The following ZMIZ1 variants were observed in gnomAD, a reference collection of about 807,000 sequenced individuals.
ZMIZ1 encodes zinc finger MIZ domain-containing protein 1.
A neutral mutation model predicts 113.9 loss-of-function variants in ZMIZ1; 17 were observed. The ratio of observed to expected loss-of-function variants is 0.15; its 90% CI spans 0.10 to 0.22. ZMIZ1 has a LOEUF of 0.22. ZMIZ1 is among the 10% of genes least tolerant of loss of function. The probability of loss-of-function intolerance (pLI) is 1.00; values close to 1 mark genes in which losing one functional copy is unlikely to be tolerated. For synonymous variants in ZMIZ1, 607 were observed against 603.1 expected (o/e 1.01, Z -0.09); for missense variants, 1,059 against 1,477.8 (o/e 0.72, Z 4.65).
At chr10:79,302,681 CTTT>C (rs758621365) in intron 18 of ZMIZ1, among the ~76,000 whole-genome samples, 2 of 41,786 alleles carry the variant, frequency 4.8e-5, no homozygotes, top group Admixed American at 3.3e-4. Context: ...ACAGCTCATG[CTTT>C]TTTTTTTTTT....
chr10:79,269,007 T>C (rs1433634008), intron 7 of ZMIZ1, among the ~76,000 whole-genome samples: 2 of 152,098 alleles, frequency 1.3e-5, no homozygotes, highest in African/African-American at 4.8e-5. Flanking sequence ...GAGGGGCCCG[T>C]CTTCCTGAGG....
intron 4 of ZMIZ1, among the ~76,000 whole-genome samples, chr10:79,185,237 C>G (rs1345919294): frequency 7.2e-6 from 1 of 139,116 alleles, no homozygotes; most frequent in Non-Finnish European, 1.7e-5. Context: ...TGTTAAGACG[C>G]CCCCCTCCCC....
At chr10:79,298,940 C>T in intron 15 of ZMIZ1, 110 bp from the exon 16 acceptor site, 3 of 1,411,684 alleles carry the variant, frequency 2.1e-6, no homozygotes, top group Non-Finnish European at 2.8e-6. Flanking sequence ...TGTTTACACA[C>T]CCCTGCCTTC....
chr10:79,195,309 T>TC (rs1336174790), intron 4 of ZMIZ1, among the ~76,000 whole-genome samples: 1 of 152,184 alleles, frequency 6.6e-6, no homozygotes, highest in Non-Finnish European at 1.5e-5. Flanking sequence ...AGGGTCCTGA[T>TC]CCCCCATGCT....
intron 7 of ZMIZ1, among the ~76,000 whole-genome samples, chr10:79,222,100 G>T (rs1387917684): frequency 1.3e-5 from 2 of 152,250 alleles, no homozygotes; most frequent in East Asian, 1.9e-4. Context: ...GGGATGAGTG[G>T]CTGGTGGCTG....
At chr10:79,271,173 C>G (rs1341123641) in intron 7 of ZMIZ1, among the ~76,000 whole-genome samples, 1 of 152,214 alleles carries the variant, frequency 6.6e-6, no homozygotes, top group Non-Finnish European at 1.5e-5. Context: ...CCCACCATCT[C>G]CATGAACTTC....
chr10:79,240,083 C>T (rs1440758508), intron 7 of ZMIZ1, among the ~76,000 whole-genome samples: 2 of 152,222 alleles, frequency 1.3e-5, no homozygotes, highest in Non-Finnish European at 2.9e-5. Context: ...GTTCAAACAC[C>T]CGCGAGAAAA....
chr10:79,296,360 C>A lies in ZMIZ1; in HGVS notation c.1231-111C>A. The A allele has an allele frequency of 8.3e-7, 1 of 1,205,456 alleles. No individual in the cohort carries two copies. Among genetic ancestry groups the A allele is most frequent in the Non-Finnish European group, 1.2e-6 (1 of 828,942 alleles). The allele number at this position is 1,205,456 out of a possible 1,614,324, so 74.7% of individuals were successfully genotyped here. On this transcript the variant is annotated intron_variant, in intron 12 of 24. Transcript: ENST00000334512. This position sits in a 1 kb window ranked among gnomAD's most constrained non-coding sequence, Gnocchi z 4.1. ...ATTATCTGGTTTTGTGGGTGGGAAA[C>A]AGCAGGAGCAAATGAGGAGAGGCGG...
intron 3 of ZMIZ1, among the ~76,000 whole-genome samples, chr10:79,160,862 C>G (rs1222081545): frequency 6.6e-6 from 1 of 152,242 alleles, no homozygotes; most frequent in Non-Finnish European, 1.5e-5. Context: ...AGTCAGGTTT[C>G]CTGGTTTTTA....
intron 1 of ZMIZ1, among the ~76,000 whole-genome samples, chr10:79,087,840 T>A (rs1370927557): frequency 6.6e-6 from 1 of 152,146 alleles, no homozygotes; most frequent in African/African-American, 2.4e-5. Flanking sequence ...ACCAGCTAGG[T>A]CAAGCGGATT....
At position 79,306,291 on chromosome 10, in the gene ZMIZ1, A is replaced by G. The variant is rs1043492653; in HGVS notation, c.2615A>G (p.Tyr872Cys). The change falls in exon 22 of 25, where the codon TAT becomes TGT. Residue 872 changes from tyrosine (Y) to cysteine (C), a missense_variant. By Grantham distance (194) the Tyr-to-Cys change is radical. This residue lies in a region of ZMIZ1 where 225 missense variants were observed against 276.0 expected (regional missense o/e 0.82). Coordinates refer to ENST00000334512, the MANE Select transcript of ZMIZ1 (RefSeq NM_020338.4). ...GCCCTGGGCCCCGGCCCGTCCCCCTATCCCCTCCCGCCTCCCCCAGGGGGC... is the reference window on the plus strand; with the variant it reads ...GCCCTGGGCCCCGGCCCGTCCCCCTGTCCCCTCCCGCCTCCCCCAGGGGGC... The part of the protein sequence containing the change: ...IAALGPGPSP[Y>C]PLPPPPGGTN... 1.9e-6 allele frequency: 3 copies of G among 1,613,196 alleles called. No homozygotes were observed. The highest frequency in any genetic ancestry group is 2.5e-6 in the Non-Finnish European group (3 of 1,179,876).
intron 24 of ZMIZ1, 93 bp downstream of exon 24, chr10:79,311,277 C>CA: frequency 1.3e-6 from 1 of 776,976 alleles, no homozygotes; most frequent in Non-Finnish European, 1.7e-6. Flanking sequence ...CTCGAGGCCC[C>CA]GAAGGGAGGA....
chr10:79,123,453 G>A (rs1844383730), intron 2 of ZMIZ1, among the ~76,000 whole-genome samples: 1 of 152,188 alleles, frequency 6.6e-6, no homozygotes, highest in Non-Finnish European at 1.5e-5. Context: ...CATGGTTAGT[G>A]CTTTCTGGCA....
intron 1 of ZMIZ1, among the ~76,000 whole-genome samples, chr10:79,104,947 T>TG (rs3222498): frequency 7.4e-6 from 1 of 134,970 alleles, no homozygotes; most frequent in Non-Finnish European, 1.6e-5. Flanking sequence ...GTTGTTGTTG[T>TG]GGGGTGTGTG....
At chr10:79,129,131 G>A (rs1844642389) in intron 2 of ZMIZ1, among the ~76,000 whole-genome samples, 1 of 152,066 alleles carries the variant, frequency 6.6e-6, no homozygotes, top group Non-Finnish European at 1.5e-5. Flanking sequence ...CGGATGCTAA[G>A]CACTTTAAGT....
In ZMIZ1 at chr10:79,201,588, G is replaced by A; in HGVS notation, c.-45G>A. The A allele has an allele frequency of 6.2e-7, 1 of 1,609,348 alleles. No individual in the cohort carries two copies. The highest frequency in any genetic ancestry group is 8.5e-7 in the Non-Finnish European group (1 of 1,177,106). On this transcript the variant is annotated 5_prime_UTR_variant, in exon 5 of 25. Coordinates refer to ENST00000334512, the MANE Select transcript of ZMIZ1 (RefSeq NM_020338.4). ...ACCTCTCCTTTCTCTTCGCAGGCTG[G>A]ACAACGTTCATGGCTCTCGGGTAGA...
chr10:79,122,720 C>G (rs1197226861), intron 2 of ZMIZ1, among the ~76,000 whole-genome samples: 1 of 152,200 alleles, frequency 6.6e-6, no homozygotes, highest in African/African-American at 2.4e-5. Flanking sequence ...TTGAAAGGCC[C>G]TATTCCCATT....
chr10:79,243,735 C>T (rs918879804), intron 7 of ZMIZ1: 6 of 281,394 alleles, frequency 2.1e-5, no homozygotes, highest in Non-Finnish European at 4.2e-5. Context: ...GGTGCAACTT[C>T]TAGGTAAGTG....
chr10:79,193,858 G>A (rs1406403882), intron 4 of ZMIZ1, among the ~76,000 whole-genome samples: 1 of 152,204 alleles, frequency 6.6e-6, no homozygotes, highest in African/African-American at 2.4e-5. Flanking sequence ...CCACGTTGGG[G>A]ACAAGGGATG....
Sources: gnomAD v4.1 joint callset for allele counts (sites outside exome capture counted in the v4.1 genomes callset) on GRCh38, gnomAD v4.1.1 for gene constraint, gnomAD v4.1.1 regional missense constraint, Gnocchi (gnomAD v3.1) non-coding constraint, MANE v1.5 for transcripts, NCBI Gene and HGNC (gene_info 2026-07-23, HGNC 2026-07-21) for gene names.